FAM107B: variants seen among roughly 807,000 people sequenced by gnomAD.
The protein encoded by FAM107B is protein FAM107B.
Under a neutral mutation model 31.5 loss-of-function variants are expected in FAM107B, and 21 were observed. The ratio of observed to expected loss-of-function variants is 0.67; its 90% CI spans 0.47 to 0.96. The LOEUF (loss-of-function observed/expected upper bound fraction) is 0.96, where lower values mean the gene tolerates loss of function less well. FAM107B is among the 40% of genes least tolerant of loss of function. FAM107B has a pLI of 0.00. For synonymous variants in FAM107B, 157 were observed against 141.5 expected (o/e 1.11, Z -0.78); for missense variants, 452 against 377.1 (o/e 1.20, Z -1.64).
intron 2 of FAM107B, among the ~76,000 whole-genome samples, chr10:14,592,524 C>G (rs546567731): frequency 6.6e-6 from 1 of 152,232 alleles, no homozygotes; most frequent in Non-Finnish European, 1.5e-5. Context: ...TTAACAGTGT[C>G]TAATCCTGCA....
At chr10:14,612,948 GA>G (rs1852760489) in intron 2 of FAM107B, among the ~76,000 whole-genome samples, 1 of 152,132 alleles carries the variant, frequency 6.6e-6, no homozygotes, top group African/African-American at 2.4e-5. Context: ...GACTCAGGAT[GA>G]AATAGGTAAA....
intron 2 of FAM107B, among the ~76,000 whole-genome samples, chr10:14,613,336 G>A (rs943162152): frequency 6.6e-6 from 1 of 152,128 alleles, no homozygotes; most frequent in African/African-American, 2.4e-5. Context: ...AAACCTAGTG[G>A]TACGGAAATT....
At chr10:14,554,937 A>G (rs1270466221) in intron 2 of FAM107B, among the ~76,000 whole-genome samples, 1 of 152,238 alleles carries the variant, frequency 6.6e-6, no homozygotes, top group African/African-American at 2.4e-5. Context: ...CATTTTTTAA[A>G]GCAAATATAG....
chr10:14,535,827 C>T (rs1478200993), intron 2 of FAM107B, among the ~76,000 whole-genome samples: 1 of 152,230 alleles, frequency 6.6e-6, no homozygotes, highest in Non-Finnish European at 1.5e-5. Flanking sequence ...CTTTAATTTC[C>T]ACTGAGCAAC....
rs567668152 is a variant in FAM107B, at chr10:14,701,713, T to G, written c.412-34022A>C. On this transcript the variant is annotated intron_variant, in intron 1 of 4. Coordinates refer to ENST00000181796, the MANE Select transcript of FAM107B (RefSeq NM_031453.4). ...CAATGACCGGCCCTAGGCAAAGAGT[T>G]GTTTTTTTTTTTTCCAACAAAAAGC... 4.6e-3 allele frequency among the ~76,000 whole-genome samples: 684 copies of G among 149,178 alleles called. 2 individuals are homozygous for G. Among genetic ancestry groups the G allele is most frequent in the African/African-American group, 0.016 (647 of 41,368 alleles).
At chr10:14,522,058 T>A (rs377367079) in intron 3 of FAM107B, 39 bp from the exon 4 acceptor site, 203 of 1,579,260 alleles carry the variant, frequency 1.3e-4, no homozygotes, top group Non-Finnish European at 1.7e-4. Context: ...AACGTTAATC[T>A]AATGGCTACA....
At chr10:14,691,009 G>A (rs3107800) in intron 1 of FAM107B, among the ~76,000 whole-genome samples, 64,142 of 151,854 alleles carry the variant, frequency 0.42, 13,857 homozygotes, top group African/African-American at 0.5. Context: ...TGTATGACAC[G>A]GTCTTCGTGA....
chr10:14,672,863 T>A (rs11817648), intron 1 of FAM107B, among the ~76,000 whole-genome samples: 5,183 of 152,290 alleles, frequency 0.034, 285 homozygotes, highest in African/African-American at 0.12. Context: ...ATCAAGTCAT[T>A]TTCCTTTGGC....
rs1588724282 is a variant in FAM107B, at chr10:14,714,148, T to A, written c.412-46457A>T. Among the ~76,000 whole-genome samples, 2 of 152,208 alleles carry A rather than the reference T, an allele frequency of 1.3e-5. 1 individual carries two copies. The highest frequency in any genetic ancestry group is 4.1e-4 in the South Asian group (2 of 4,832). On this transcript the variant is annotated intron_variant, in intron 1 of 4. Transcript: ENST00000181796. ...CCCTGTGACACACAATTCACCTATATAACAAACCTGTGTATTTACCCCTGA... is the reference window on the plus strand; with the variant it reads ...CCCTGTGACACACAATTCACCTATAAAACAAACCTGTGTATTTACCCCTGA...
At chr10:14,732,144 T>C (rs1869226) in intron 1 of FAM107B, among the ~76,000 whole-genome samples, 48,909 of 151,984 alleles carry the variant, frequency 0.32, 8,691 homozygotes, top group African/African-American at 0.48. Context: ...TAACTCAAAC[T>C]ACTCTCTATA....
chr10:14,521,871 G>C lies in FAM107B; in HGVS notation c.802C>G (p.Gln268Glu). The C allele has an allele frequency of 6.2e-7, 1 of 1,613,628 alleles. No individual in the cohort carries two copies. Among genetic ancestry groups the C allele is most frequent in the Non-Finnish European group, 8.5e-7 (1 of 1,179,886 alleles). The change falls in exon 4 of 5, where the codon CAG becomes GAG. Residue 268 changes from glutamine (Q) to glutamate (E), a missense_variant and splice_region_variant. Coordinates refer to ENST00000181796, the MANE Select transcript of FAM107B (RefSeq NM_031453.4). ...ELLKRQQKLE[Q>E]LELEKQKLQE... ...AGCTTCCAGCCAATCCCCCTTACCT[G>C]CTCCAACTTCTGCTGCCGTTTTAAT...
chr10:14,529,948 A>G (rs1846766060), intron 3 of FAM107B: 1 of 174,136 alleles, frequency 5.7e-6, no homozygotes, highest in Non-Finnish European at 1.3e-5. Context: ...CGGCAATTAC[A>G]TGATTCCTAC....
intron 2 of FAM107B, among the ~76,000 whole-genome samples, chr10:14,574,520 T>C (rs987784421): frequency 2.6e-5 from 4 of 152,180 alleles, no homozygotes; most frequent in Non-Finnish European, 5.9e-5. Flanking sequence ...AAAGCCCATG[T>C]GGCTGATCAC....
chr10:14,756,839 A>G (rs891039742), intron 1 of FAM107B, among the ~76,000 whole-genome samples: 3 of 152,196 alleles, frequency 2.0e-5, no homozygotes, highest in Admixed American at 2.0e-4. Context: ...CATAAAAAGA[A>G]ACGAGATCAT....
rs75052222 is a variant in FAM107B, at chr10:14,551,701, T to A, written c.470-21186A>T. Among the ~76,000 whole-genome samples the A allele has an allele frequency of 7.2e-4, 30 of 41,858 alleles. No homozygotes were observed. The East Asian group carries it at 0.022, about 30-fold the overall frequency. The allele number at this position is 41,858 out of a possible 152,430, so 27.5% of individuals were successfully genotyped here. A position where few individuals can be genotyped will look rare whatever the true frequency, so the allele number is the denominator to read the frequency against. On this transcript the variant is annotated intron_variant, in intron 2 of 4. Coordinates refer to ENST00000181796, the MANE Select transcript of FAM107B (RefSeq NM_031453.4). ...AATGTATTAGCTCTGGAAAAAAAAA[T>A]ATCTGTATTACCATTACTATAAATC...
At chr10:14,679,687 T>C (rs1216038668) in intron 1 of FAM107B, among the ~76,000 whole-genome samples, 3 of 152,176 alleles carry the variant, frequency 2.0e-5, no homozygotes, top group Non-Finnish European at 2.9e-5. Context: ...CTTGATGGAA[T>C]TGAAGGATGC....
intron 2 of FAM107B, among the ~76,000 whole-genome samples, chr10:14,663,964 G>A (rs917550776): frequency 6.0e-5 from 9 of 149,074 alleles, no homozygotes; most frequent in Admixed American, 3.4e-4. Context: ...ACAGTATTTG[G>A]GTTTTGCTTT....
intron 3 of FAM107B, among the ~76,000 whole-genome samples, chr10:14,525,699 C>A (rs1455931237): frequency 2.0e-5 from 3 of 152,200 alleles, no homozygotes; most frequent in Non-Finnish European, 4.4e-5. Flanking sequence ...TGGTTTCCAA[C>A]TGTTCACTAT....
intron 1 of FAM107B, among the ~76,000 whole-genome samples, chr10:14,773,909 G>T (rs1363487796): frequency 6.7e-6 from 1 of 148,536 alleles, no homozygotes; most frequent in Non-Finnish European, 1.5e-5. Context: ...TGGGGGTGGA[G>T]GGGGAAATAG....
Sources: gnomAD v4.1 joint callset for allele counts (sites outside exome capture counted in the v4.1 genomes callset) on GRCh38, gnomAD v4.1.1 for gene constraint, MANE v1.5 for transcripts, NCBI Gene and HGNC (gene_info 2026-07-23, HGNC 2026-07-21) for gene names.